The following AKR1C8 variants were observed in gnomAD, a reference collection of about 807,000 sequenced individuals.
The protein encoded by AKR1C8 is aldo-keto reductase family 1 member C-like protein 1.
At chr10:5,172,020 G>T in the AKR1C8 span, among the ~76,000 whole-genome samples, 1 of 152,050 alleles carries the variant, frequency 6.6e-6, no homozygotes, top group Non-Finnish European at 1.5e-5. Context: ...TCATAAGTTT[G>T]GGATTTTAAT....
the AKR1C8 span, among the ~76,000 whole-genome samples, chr10:5,184,180 G>C: frequency 1.3e-5 from 2 of 152,168 alleles, no homozygotes; most frequent in African/African-American, 2.4e-5. Context: ...TCCAAGACCA[G>C]TCAACAAATT....
chr10:5,129,768 T>C, the AKR1C8 span, among the ~76,000 whole-genome samples: 1 of 151,474 alleles, frequency 6.6e-6, no homozygotes, highest in African/African-American at 2.4e-5. Flanking sequence ...CAAGAATGAA[T>C]CAGTAATAAA....
At chr10:5,121,884 G>A in the AKR1C8 span, among the ~76,000 whole-genome samples, 2 of 152,098 alleles carry the variant, frequency 1.3e-5, no homozygotes, top group African/African-American at 4.8e-5. Context: ...GCAGACATAG[G>A]CAGTGTTACT....
the AKR1C8 span, among the ~76,000 whole-genome samples, chr10:5,153,818 G>A: frequency 2.0e-5 from 3 of 152,262 alleles, no homozygotes; most frequent in African/African-American, 7.2e-5. Flanking sequence ...CATGATATTT[G>A]TGTGGGGACA....
At chr10:5,169,117 C>A in the AKR1C8 span, among the ~76,000 whole-genome samples, 2 of 152,156 alleles carry the variant, frequency 1.3e-5, no homozygotes, top group African/African-American at 4.8e-5. Flanking sequence ...ACCGCACCTC[C>A]CCCTGTGCCT....
chr10:5,124,689 T>G, the AKR1C8 span, among the ~76,000 whole-genome samples: 1 of 152,138 alleles, frequency 6.6e-6, no homozygotes, highest in Non-Finnish European at 1.5e-5. Context: ...AATCATTATG[T>G]GGAAATATGT....
At chr10:5,161,386 C>A in the AKR1C8 span, among the ~76,000 whole-genome samples, 35,852 of 152,036 alleles carry the variant, frequency 0.24, 4,378 homozygotes, top group African/African-American at 0.25. Flanking sequence ...TCAGCGGAGC[C>A]CAAAGGAGCC....
At chr10:5,172,590 G>A in the AKR1C8 span, among the ~76,000 whole-genome samples, 1 of 151,994 alleles carries the variant, frequency 6.6e-6, no homozygotes, top group Non-Finnish European at 1.5e-5. Flanking sequence ...TACTTTTGTA[G>A]CCTCTATAAC....
At chr10:5,183,332 G>A in the AKR1C8 span, among the ~76,000 whole-genome samples, 1 of 152,010 alleles carries the variant, frequency 6.6e-6, no homozygotes, top group South Asian at 2.1e-4. Flanking sequence ...AAAAAACTAA[G>A]CAAAACCAAG....
the AKR1C8 span, among the ~76,000 whole-genome samples, chr10:5,129,992 T>C: frequency 2.0e-5 from 3 of 151,906 alleles, no homozygotes; most frequent in African/African-American, 7.2e-5. Context: ...CCAATATCCC[T>C]GGTGAACATA....
the AKR1C8 span, among the ~76,000 whole-genome samples, chr10:5,137,533 T>C: frequency 6.7e-4 from 102 of 152,122 alleles, no homozygotes; most frequent in African/African-American, 2.2e-3. Context: ...GAAAAGGCCT[T>C]CGACAAAATT....
the AKR1C8 span, chr10:5,185,087 C>T: frequency 3.7e-6 from 2 of 534,786 alleles, no homozygotes; most frequent in South Asian, 1.4e-5. Context: ...AATGGCTTTG[C>T]TTCAGATCCG....
chr10:5,174,915 AT>A, the AKR1C8 span, among the ~76,000 whole-genome samples: 2 of 152,250 alleles, frequency 1.3e-5, no homozygotes, highest in African/African-American at 4.8e-5. Flanking sequence ...AAATTAAAAA[AT>A]ATTACATGTT....
At chr10:5,126,941 G>T in the AKR1C8 span, among the ~76,000 whole-genome samples, 1 of 152,130 alleles carries the variant, frequency 6.6e-6, no homozygotes, top group South Asian at 2.1e-4. Context: ...AAGAAAAACA[G>T]GGAAATCAAA....
At chr10:5,184,505 A>G in the AKR1C8 span, among the ~76,000 whole-genome samples, 1 of 152,186 alleles carries the variant, frequency 6.6e-6, no homozygotes, top group Admixed American at 6.5e-5. Context: ...ATAACCTCAC[A>G]GCAAAGCTGC....
At chr10:5,179,505 C>T in the AKR1C8 span, among the ~76,000 whole-genome samples, 2 of 152,144 alleles carry the variant, frequency 1.3e-5, no homozygotes, top group Non-Finnish European at 1.5e-5. Flanking sequence ...CTCTGTATTT[C>T]CTGAATCTGA....
chr10:5,122,097 G>C, the AKR1C8 span: 1 of 353,070 alleles, frequency 2.8e-6, no homozygotes, highest in South Asian at 2.4e-5. Flanking sequence ...TTGTAACTTA[G>C]CATGTCGGAG....
At chr10:5,167,530 A>G in the AKR1C8 span, among the ~76,000 whole-genome samples, 1 of 152,218 alleles carries the variant, frequency 6.6e-6, no homozygotes, top group Non-Finnish European at 1.5e-5. Context: ...AAACTATCGC[A>G]AGGACAAAAA....
chr10:5,119,408 G>T, the AKR1C8 span, among the ~76,000 whole-genome samples: 2 of 152,134 alleles, frequency 1.3e-5, no homozygotes, highest in Non-Finnish European at 2.9e-5. Context: ...ACATGTAGAA[G>T]ATGATTTCAT....
Sources: gnomAD v4.1 joint callset for allele counts (sites outside exome capture counted in the v4.1 genomes callset) on GRCh38, gnomAD v4.1.1 for gene constraint, MANE v1.5 for transcripts, NCBI Gene and HGNC (gene_info 2026-07-23, HGNC 2026-07-21) for gene names.